NRXN1: variants seen among roughly 807,000 people sequenced by gnomAD.
NRXN1 encodes neurexin 1.
Under a neutral mutation model 150.9 loss-of-function variants are expected in NRXN1, and 39 were observed. The observed-to-expected ratio is 0.26, with a 90% CI of 0.20 to 0.34. NRXN1 has a LOEUF of 0.34. NRXN1 is among the 10% of genes least tolerant of loss of function. The pLI is 1.00. For synonymous variants in NRXN1, 924 were observed against 757.0 expected, an observed-to-expected ratio of 1.22 and a Z score of -3.62; for missense variants, 1,815 against 1,949.9, an observed-to-expected ratio of 0.93 and a Z score of 1.30.
At chr2:50,717,322 T>C (rs1473802710) in intron 5 of NRXN1, among the ~76,000 whole-genome samples, 2 of 152,180 alleles carry the variant, frequency 1.3e-5, no homozygotes, top group African/African-American at 4.8e-5. Context: ...CCATTATTCA[T>C]CACACTACAT....
chr2:50,992,623 A>G lies in NRXN1; in HGVS notation c.772+34879T>C, dbSNP rs192726891. On this transcript the variant is annotated intron_variant, in intron 2 of 22. Transcript: ENST00000401669. ...GGCCTTTTGAGGATTAAGAAGGTATAATGAAAATCAGGAAGCTGGTTTAAT... is the reference window on the plus strand; with the variant it reads ...GGCCTTTTGAGGATTAAGAAGGTATGATGAAAATCAGGAAGCTGGTTTAAT... Among the ~76,000 whole-genome samples the G allele has an allele frequency of 9.6e-4, 146 of 152,134 alleles. 1 individual carries two copies. The Middle Eastern group carries it at 0.01, about 11-fold the overall frequency.
At chr2:50,189,963 A>G (rs1024802118) in intron 18 of NRXN1, among the ~76,000 whole-genome samples, 1 of 152,206 alleles carries the variant, frequency 6.6e-6, no homozygotes, top group Admixed American at 6.6e-5. Flanking sequence ...CTCAAACAAT[A>G]TACAATCATC....
At chr2:50,220,644 C>T (rs2063812014) in intron 18 of NRXN1, among the ~76,000 whole-genome samples, 1 of 151,924 alleles carries the variant, frequency 6.6e-6, no homozygotes, top group Admixed American at 6.6e-5. Flanking sequence ...TTGCAAAAAC[C>T]CATTTCAAAT....
intron 6 of NRXN1, among the ~76,000 whole-genome samples, chr2:50,622,491 G>A (rs1438795569): frequency 2.6e-5 from 4 of 152,038 alleles, no homozygotes; most frequent in African/African-American, 9.7e-5. Flanking sequence ...ATGATACACT[G>A]TAATATAAAG....
rs1325413437 is a variant in NRXN1, at chr2:50,270,582, T to G, written c.3365-33612A>C. On this transcript the variant is annotated intron_variant, in intron 17 of 22. Transcript: ENST00000401669. Reference sequence around the variant, plus strand: ...TCAGAATTTTGAATTCTAAAACAGATTTTTCCCATTATACACACAGTTTAT... The same window carrying G: ...TCAGAATTTTGAATTCTAAAACAGAGTTTTCCCATTATACACACAGTTTAT... Among the ~76,000 whole-genome samples the G allele has an allele frequency of 2.6e-5, 4 of 152,234 alleles. No homozygotes were observed. In the East Asian group the frequency reaches 7.7e-4, roughly 29 times the overall value.
intron 21 of NRXN1, among the ~76,000 whole-genome samples, chr2:49,964,393 A>T (rs1396903426): frequency 6.6e-6 from 1 of 151,828 alleles, no homozygotes; most frequent in Non-Finnish European, 1.5e-5. Context: ...CAGACTGGCA[A>T]CATGGTGAAA....
intron 2 of NRXN1, among the ~76,000 whole-genome samples, chr2:50,971,667 C>T (rs1349558776): frequency 6.6e-6 from 1 of 151,298 alleles, no homozygotes; most frequent in Non-Finnish European, 1.5e-5. Context: ...CCTTGAAAAA[C>T]ACTCCATTCA....
chr2:50,475,712 C>G (rs1190399958), intron 15 of NRXN1, among the ~76,000 whole-genome samples: 2 of 152,062 alleles, frequency 1.3e-5, no homozygotes, highest in Non-Finnish European at 2.9e-5. Flanking sequence ...CCACTTAGTA[C>G]TGTTTATAAA....
chr2:50,846,881 A>AG (rs1673737644), intron 5 of NRXN1, among the ~76,000 whole-genome samples: 1 of 152,192 alleles, frequency 6.6e-6, no homozygotes, highest in South Asian at 2.1e-4. Context: ...AAAGTTTCAT[A>AG]ACGAAATAAT....
chr2:50,646,091 G>GAT (rs1442326681), intron 5 of NRXN1, among the ~76,000 whole-genome samples: 18 of 151,906 alleles, frequency 1.2e-4, no homozygotes, highest in Admixed American at 1.2e-3. Flanking sequence ...CATCCACAAA[G>GAT]ATATATAGAG....
intron 8 of NRXN1, among the ~76,000 whole-genome samples, chr2:50,558,632 A>G (rs1047187525): frequency 2.0e-5 from 3 of 152,234 alleles, no homozygotes; most frequent in Non-Finnish European, 4.4e-5. Context: ...TTCAACAGGT[A>G]TGTCATTTAG....
At chr2:50,789,600 C>T (rs1036979854) in intron 5 of NRXN1, among the ~76,000 whole-genome samples, 22 of 152,152 alleles carry the variant, frequency 1.4e-4, no homozygotes, top group African/African-American at 5.3e-4. Context: ...TTGCTACAAA[C>T]TGAACAAACA....
rs188611784 is a variant in NRXN1 at position 50,331,662 on chromosome 2, A to T, written c.3365-94692T>A. 1.5e-3 allele frequency among the ~76,000 whole-genome samples: 229 copies of T among 152,276 alleles called. 1 individual carries two copies. The highest frequency in any genetic ancestry group is 3.1e-3 in the Admixed American group (48 of 15,300). ...AGTATATCAACAGCAATTGATCACTAATGTGAAGGTATCAGGTTTTAGGTA... is the reference window on the plus strand; with the variant it reads ...AGTATATCAACAGCAATTGATCACTTATGTGAAGGTATCAGGTTTTAGGTA... On this transcript the variant is annotated intron_variant, in intron 17 of 22. Coordinates refer to ENST00000401669, the MANE Select transcript of NRXN1 (RefSeq NM_001330078.2).
chr2:50,199,517 TACTC>T (rs1359934768), intron 18 of NRXN1, among the ~76,000 whole-genome samples: 1 of 142,194 alleles, frequency 7.0e-6, no homozygotes, highest in African/African-American at 2.7e-5. Context: ...CTCTCTCTCT[TACTC>T]ATTCTCTCTT....
intron 11 of NRXN1, 165 bp from the exon 12 acceptor site, chr2:50,528,816 T>C: frequency 2.0e-6 from 1 of 504,608 alleles, no homozygotes; most frequent in Non-Finnish European, 3.6e-6. Flanking sequence ...TGTTTTGTTA[T>C]AAAAGTTTAC....
At chr2:50,096,780 A>G (rs1026574547) in intron 18 of NRXN1, among the ~76,000 whole-genome samples, 2 of 152,234 alleles carry the variant, frequency 1.3e-5, no homozygotes, top group Non-Finnish European at 2.9e-5. Flanking sequence ...TATTAAACCA[A>G]GTTAAAGGGA....
chr2:50,189,820 T>A (rs1231924728), intron 18 of NRXN1, among the ~76,000 whole-genome samples: 1 of 152,168 alleles, frequency 6.6e-6, no homozygotes, highest in Non-Finnish European at 1.5e-5. Flanking sequence ...AGTTATTGAA[T>A]TAGTTTATCA....
intron 9 of NRXN1, 142 bp downstream of exon 9, chr2:50,552,443 CAG>C (rs1443824236): frequency 1.6e-6 from 1 of 642,920 alleles, no homozygotes; most frequent in Non-Finnish European, 2.8e-6. Context: ...TGGTGTGAAA[CAG>C]AAGCAATATC....
At chr2:49,923,921 A>G (rs1668645843) in intron 22 of NRXN1, among the ~76,000 whole-genome samples, 1 of 152,254 alleles carries the variant, frequency 6.6e-6, no homozygotes, top group African/African-American at 2.4e-5. Flanking sequence ...GTGTGGCTGA[A>G]TAAAAAGCTT....
Sources: gnomAD v4.1 joint callset for allele counts (sites outside exome capture counted in the v4.1 genomes callset) on GRCh38, gnomAD v4.1.1 for gene constraint, MANE v1.5 for transcripts, NCBI Gene and HGNC (gene_info 2026-07-23, HGNC 2026-07-21) for gene names.